WDR59: variants seen among roughly 807,000 people sequenced by gnomAD.
The protein encoded by WDR59 is WD repeat domain 59, also known as GATOR2 complex protein WDR59.
WDR59 carries 100 observed loss-of-function variants against 131.2 expected under a neutral mutation model. That is an observed-to-expected ratio of 0.76 (90% CI 0.65 to 0.90). The LOEUF is 0.90. Among genes scored for constraint, WDR59 ranks in the 40% least tolerant of loss-of-function variants. The probability of loss-of-function intolerance (pLI) is 0.00; values close to 1 mark genes in which losing one functional copy is unlikely to be tolerated. For synonymous variants in WDR59, 601 were observed against 466.2 expected, an observed-to-expected ratio of 1.29 and a Z score of -3.72; for missense variants, 1,203 against 1,262.2, an observed-to-expected ratio of 0.95 and a Z score of 0.71.
At position 74,892,483 on chromosome 16, in the gene WDR59, C is replaced by A; in HGVS notation, c.2082+1G>T. 1 of 1,613,326 alleles carries A rather than the reference C, an allele frequency of 6.2e-7. No homozygotes were observed. Among genetic ancestry groups the A allele is most frequent in the Non-Finnish European group, 8.5e-7 (1 of 1,179,470 alleles). ...TCTCCACCAAAAGGGATGGACAATA[C>A]CTGGACAAGATCCTTTCTTCCAACG... On this transcript the variant is annotated splice_donor_variant, in intron 20 of 25. Coordinates refer to ENST00000262144, the MANE Select transcript of WDR59 (RefSeq NM_030581.4). LOFTEE classifies it high-confidence loss of function.
chr16:74,974,124 T>G (rs193198231), intron 1 of WDR59, among the ~76,000 whole-genome samples: 2 of 152,264 alleles, frequency 1.3e-5, no homozygotes, highest in Admixed American at 1.3e-4. Flanking sequence ...GAGCTGAGAT[T>G]ATGCCACTGC....
At position 74,885,911 on chromosome 16, in the gene WDR59, A is replaced by G. The variant is rs1264848011; in HGVS notation, c.2547-116T>C. ...ACAGTCCTGGCCAGGCACGGTGGCT[A>G]ACACCTGTCACTCCCAGCACTTTGG... On this transcript the variant is annotated intron_variant, in intron 24 of 25. Coordinates refer to ENST00000262144, the MANE Select transcript of WDR59 (RefSeq NM_030581.4). 6.3e-6 allele frequency: 8 copies of G among 1,273,642 alleles called. No individual in the cohort carries two copies. In the African/African-American group the frequency reaches 1.2e-4, roughly 19 times the overall value. 78.9% of individuals were successfully genotyped at this position (1,273,642 alleles called of 1,614,324 possible). A position where few individuals can be genotyped will look rare whatever the true frequency, so the allele number is the denominator to read the frequency against.
intron 18 of WDR59, among the ~76,000 whole-genome samples, chr16:74,901,299 T>C (rs1567700795): frequency 6.6e-6 from 1 of 151,812 alleles, no homozygotes; most frequent in Non-Finnish European, 1.5e-5. Flanking sequence ...ACTTCCCTCA[T>C]TGCTATGCCT....
intron 2 of WDR59, chr16:74,963,282 A>T (rs1404301707): frequency 6.6e-6 from 1 of 152,112 alleles, no homozygotes; most frequent in Non-Finnish European, 1.5e-5. Context: ...ATAAAGATAC[A>T]TGCACGCATA....
At chr16:74,978,266 G>T (rs538391050) in intron 1 of WDR59, among the ~76,000 whole-genome samples, 20 of 149,104 alleles carry the variant, frequency 1.3e-4, no homozygotes, top group African/African-American at 4.9e-4. Flanking sequence ...AGGTTACGGT[G>T]AGCCGAGATC....
At chr16:74,880,379 G>A (rs575339919) in intron 25 of WDR59, among the ~76,000 whole-genome samples, 11 of 152,166 alleles carry the variant, frequency 7.2e-5, no homozygotes, top group Non-Finnish European at 1.0e-4. Flanking sequence ...CCTGGGAGGC[G>A]GAGCTTGCAG....
At chr16:74,909,955 C>T (rs1470234692) in intron 14 of WDR59, 38 bp from the exon 15 acceptor site, 2 of 1,243,628 alleles carry the variant, frequency 1.6e-6, no homozygotes, top group Admixed American at 4.7e-5. Flanking sequence ...AAGAGGAACA[C>T]ATTTCTCTGA....
At chr16:74,906,922 C>A (rs1480519509) in intron 17 of WDR59, among the ~76,000 whole-genome samples, 1 of 152,190 alleles carries the variant, frequency 6.6e-6, no homozygotes, top group Non-Finnish European at 1.5e-5. Context: ...CCAAGCCATA[C>A]ACTTCATATT....
At chr16:74,982,787 G>T (rs1225699661) in intron 1 of WDR59, among the ~76,000 whole-genome samples, 1 of 152,168 alleles carries the variant, frequency 6.6e-6, no homozygotes, top group Non-Finnish European at 1.5e-5. Context: ...CAAATTCTCA[G>T]TAGAGGCTAC....
intron 6 of WDR59, among the ~76,000 whole-genome samples, chr16:74,947,728 A>G (rs2032733329): frequency 6.6e-6 from 1 of 152,098 alleles, no homozygotes; most frequent in Admixed American, 6.6e-5. Context: ...TTTGCAAAAC[A>G]TACACTGAAA....
intron 17 of WDR59, among the ~76,000 whole-genome samples, chr16:74,906,716 A>G (rs1965837816): frequency 6.6e-6 from 1 of 152,204 alleles, no homozygotes. Flanking sequence ...CAATAACATT[A>G]AGTTGAGCAA....
chr16:74,923,041 C>G (rs2030404688), intron 9 of WDR59, among the ~76,000 whole-genome samples: 1 of 152,158 alleles, frequency 6.6e-6, no homozygotes, highest in African/African-American at 2.4e-5. Flanking sequence ...AGCCTACCCA[C>G]TCTATTTGTA....
chr16:74,876,535 A>G (rs1964221317), intron 25 of WDR59, among the ~76,000 whole-genome samples: 1 of 152,216 alleles, frequency 6.6e-6, no homozygotes, highest in African/African-American at 2.4e-5. Flanking sequence ...ATGTCATCTC[A>G]CAGTATCATT....
At chr16:74,917,780 G>C in intron 11 of WDR59, 149 bp downstream of exon 11, 1 of 636,806 alleles carries the variant, frequency 1.6e-6, no homozygotes, top group East Asian at 3.2e-5. Flanking sequence ...CTGCACTCCA[G>C]CCTGGGCGAT....
intron 1 of WDR59, among the ~76,000 whole-genome samples, chr16:74,976,554 G>A (rs2034189198): frequency 6.6e-6 from 1 of 150,978 alleles, no homozygotes; most frequent in South Asian, 2.1e-4. Context: ...CGATTCTCCT[G>A]CCTCAGCCTC....
chr16:74,965,626 C>T (rs565202842), intron 2 of WDR59, 147 bp downstream of exon 2: 13 of 899,008 alleles, frequency 1.4e-5, no homozygotes, highest in Admixed American at 1.2e-4. Flanking sequence ...ATAATCCCTC[C>T]GAGTAGCCCT....
chr16:74,981,643 TA>T (rs1567450792), intron 1 of WDR59, among the ~76,000 whole-genome samples: 2,184 of 22,594 alleles, frequency 0.097, 247 homozygotes, highest in Middle Eastern at 0.15. Flanking sequence ...TATATATATA[TA>T]TATATATATA....
chr16:74,959,336 G>A (rs2033454826), intron 2 of WDR59: 2 of 277,032 alleles, frequency 7.2e-6, no homozygotes, highest in South Asian at 2.9e-5. Flanking sequence ...CCACTAACAG[G>A]GCCTGGTTCC....
chr16:74,907,529 T>G (rs1965875507), intron 17 of WDR59, among the ~76,000 whole-genome samples: 1 of 152,214 alleles, frequency 6.6e-6, no homozygotes, highest in African/African-American at 2.4e-5. Context: ...TCCTGAGGCC[T>G]CTCCAGCCAT....
Sources: allele counts gnomAD v4.1 joint callset (sites outside exome capture counted in the v4.1 genomes callset), GRCh38; gene constraint gnomAD v4.1.1; transcripts MANE v1.5; gene names NCBI Gene and HGNC (gene_info 2026-07-23, HGNC 2026-07-21).